The following NCAM2 variants were observed in gnomAD, a reference collection of about 807,000 sequenced individuals.
NCAM2 encodes N-CAM-2.
In NCAM2, 30 loss-of-function variants were observed where a neutral mutation model predicts 98.1. That is an observed-to-expected ratio of 0.31 (90% CI 0.23 to 0.41). The LOEUF (loss-of-function observed/expected upper bound fraction) is 0.41, where lower values mean the gene tolerates loss of function less well. Among genes scored for constraint, NCAM2 ranks in the 10% least tolerant of loss-of-function variants. The probability of loss-of-function intolerance (pLI) is 1.00; values close to 1 mark genes in which losing one functional copy is unlikely to be tolerated. For missense variants in NCAM2, 867 were observed against 1,005.8 expected, an observed-to-expected ratio of 0.86 and a Z score of 1.87; for synonymous variants, 368 against 342.4, an observed-to-expected ratio of 1.07 and a Z score of -0.83.
chr21:21,438,719 A>G (rs1456323082), intron 12 of NCAM2, among the ~76,000 whole-genome samples: 1 of 152,186 alleles, frequency 6.6e-6, no homozygotes, highest in African/African-American at 2.4e-5. Context: ...TAATGAAGAG[A>G]AAATACTAAT....
chr21:21,256,660 G>A (rs916978991), intron 1 of NCAM2, among the ~76,000 whole-genome samples: 1 of 152,046 alleles, frequency 6.6e-6, no homozygotes, highest in African/African-American at 2.4e-5. Flanking sequence ...CAGATACTGA[G>A]ATCAGGGACT....
intron 1 of NCAM2, among the ~76,000 whole-genome samples, chr21:21,068,094 G>T (rs1463105704): frequency 6.6e-6 from 1 of 150,520 alleles, no homozygotes; most frequent in African/African-American, 2.4e-5. Flanking sequence ...ACCAAATAAA[G>T]ACTAATTAAT....
intron 6 of NCAM2, among the ~76,000 whole-genome samples, chr21:21,326,764 A>G (rs563762084): frequency 6.6e-6 from 1 of 152,276 alleles, no homozygotes; most frequent in East Asian, 1.9e-4. Context: ...AACCTAAATA[A>G]TTGTTCTAGT....
intron 10 of NCAM2, 100 bp downstream of exon 10, chr21:21,410,561 TAAG>T (rs754359232): frequency 5.1e-6 from 3 of 589,958 alleles, no homozygotes; most frequent in Non-Finnish European, 7.8e-6. Flanking sequence ...ATATATATAA[TAAG>T]AGAGAGAAAT....
chr21:21,151,931 C>T (rs2067460435), intron 1 of NCAM2, among the ~76,000 whole-genome samples: 1 of 151,822 alleles, frequency 6.6e-6, no homozygotes, highest in Non-Finnish European at 1.5e-5. Context: ...TATGATATAC[C>T]TCATTATAAT....
chr21:21,017,424 CAA>C (rs11461275), intron 1 of NCAM2, among the ~76,000 whole-genome samples: 4 of 58,778 alleles, frequency 6.8e-5, no homozygotes, highest in Non-Finnish European at 1.1e-4. Flanking sequence ...GACTCTGTCT[CAA>C]AAAAAAAAAA....
intron 1 of NCAM2, among the ~76,000 whole-genome samples, chr21:21,198,557 C>A (rs1020840399): frequency 2.6e-5 from 4 of 152,064 alleles, no homozygotes; most frequent in African/African-American, 4.8e-5. Context: ...ATTGACTATC[C>A]AAGGCTAGCA....
intron 1 of NCAM2, among the ~76,000 whole-genome samples, chr21:21,074,059 A>G (rs898230010): frequency 2.0e-5 from 3 of 152,130 alleles, no homozygotes; most frequent in African/African-American, 7.2e-5. Flanking sequence ...TTTTATTACA[A>G]GTTTGTTTGC....
intron 5 of NCAM2, among the ~76,000 whole-genome samples, chr21:21,300,142 C>G (rs1442340331): frequency 8.1e-6 from 1 of 123,868 alleles, no homozygotes; most frequent in Non-Finnish European, 1.7e-5. Flanking sequence ...ACTGTATAGT[C>G]ATGTAAATGC....
intron 1 of NCAM2, among the ~76,000 whole-genome samples, chr21:21,150,746 T>G (rs1265489345): frequency 2.6e-5 from 4 of 151,982 alleles, no homozygotes; most frequent in Non-Finnish European, 5.9e-5. Flanking sequence ...GTGTCTATAT[T>G]AGTGATGGTA....
At chr21:21,098,757 A>G (rs530493660) in intron 1 of NCAM2, among the ~76,000 whole-genome samples, 2 of 152,008 alleles carry the variant, frequency 1.3e-5, no homozygotes, top group African/African-American at 4.8e-5. Context: ...CTAGTATGAT[A>G]TGTGAAGATG....
intron 1 of NCAM2, among the ~76,000 whole-genome samples, chr21:21,243,971 C>A (rs2071168392): frequency 6.6e-6 from 1 of 152,072 alleles, no homozygotes; most frequent in South Asian, 2.1e-4. Flanking sequence ...TATTTGTTCC[C>A]TTTAATTATG....
chr21:21,162,562 A>C (rs2067817820), intron 1 of NCAM2, among the ~76,000 whole-genome samples: 1 of 152,104 alleles, frequency 6.6e-6, no homozygotes, highest in Non-Finnish European at 1.5e-5. Context: ...GATCAGCAGA[A>C]ATTCTGTATG....
intron 1 of NCAM2, among the ~76,000 whole-genome samples, chr21:21,164,458 C>T (rs1190880935): frequency 6.6e-6 from 1 of 152,030 alleles, no homozygotes; most frequent in African/African-American, 2.4e-5. Context: ...ATTGATATTG[C>T]CTGACCTTTC....
At chr21:21,187,671 G>T (rs2068685400) in intron 1 of NCAM2, among the ~76,000 whole-genome samples, 1 of 152,150 alleles carries the variant, frequency 6.6e-6, no homozygotes, top group Non-Finnish European at 1.5e-5. Context: ...GTAAATAGAA[G>T]ATCATCACAA....
chr21:21,145,562 C>T (rs2067254677), intron 1 of NCAM2, among the ~76,000 whole-genome samples: 2 of 152,000 alleles, frequency 1.3e-5, no homozygotes, highest in Admixed American at 1.3e-4. Flanking sequence ...CCTTTAGTTC[C>T]TTGCTGTTCT....
At chr21:21,494,799 G>C (rs936813663) in intron 15 of NCAM2, among the ~76,000 whole-genome samples, 3 of 151,700 alleles carry the variant, frequency 2.0e-5, no homozygotes, top group Non-Finnish European at 4.4e-5. Context: ...GTTTACAGTT[G>C]TACCACATTT....
intron 15 of NCAM2, among the ~76,000 whole-genome samples, chr21:21,494,168 C>T (rs1475400923): frequency 1.3e-5 from 2 of 151,560 alleles, no homozygotes; most frequent in Admixed American, 1.3e-4. Flanking sequence ...TTAGAAAACG[C>T]AGAAGTTTTA....
At chr21:21,025,374 T>C (rs1037013778) in intron 1 of NCAM2, among the ~76,000 whole-genome samples, 2 of 152,176 alleles carry the variant, frequency 1.3e-5, no homozygotes, top group African/African-American at 4.8e-5. Context: ...CGAGAGCCAC[T>C]GCGCCCGGCC....
Sources: allele counts gnomAD v4.1 joint callset (sites outside exome capture counted in the v4.1 genomes callset), GRCh38; gene constraint gnomAD v4.1.1; transcripts MANE v1.5; gene names NCBI Gene and HGNC (gene_info 2026-07-23, HGNC 2026-07-21).